BAZ2B: variants seen among roughly 807,000 people sequenced by gnomAD.
BAZ2B encodes bromodomain adjacent to zinc finger domain 2B, also known as bromodomain adjacent to zinc finger domain protein 2B.
A neutral mutation model predicts 246.0 loss-of-function variants in BAZ2B; 91 were observed. The observed-to-expected ratio is 0.37, with a 90% CI of 0.31 to 0.44. BAZ2B has a LOEUF of 0.44. BAZ2B is among the 20% of genes least tolerant of loss of function. The pLI is 1.00. For missense variants in BAZ2B, 2,332 were observed against 2,533.7 expected (o/e 0.92, Z 1.71); for synonymous variants, 855 against 860.0 (o/e 0.99, Z 0.10).
At chr2:159,354,345 TA>T (rs139262780) in intron 27 of BAZ2B, among the ~76,000 whole-genome samples, 40,683 of 150,562 alleles carry the variant, frequency 0.27, 5,730 homozygotes, top group South Asian at 0.42. Flanking sequence ...AACCTCTAAT[TA>T]AAAAAAATAT....
upstream of BAZ2B, among the ~76,000 whole-genome samples, chr2:159,620,731 T>G (rs1559920723): frequency 6.6e-6 from 1 of 151,702 alleles, no homozygotes; most frequent in Non-Finnish European, 1.5e-5. Flanking sequence ...ATATTCAGTA[T>G]GGGGAAGGAC....
At position 159,397,378 on chromosome 2, in the gene BAZ2B, C is replaced by A. The variant is rs572458606; in HGVS notation, c.2976G>T (p.Met992Ile). The change falls in exon 19 of 37, where the codon ATG (methionine) becomes ATT (isoleucine). Residue 992 changes from methionine to isoleucine, a missense_variant. Around this residue, in one of 9 missense-constraint regions of BAZ2B, gnomAD observed 328 missense variants for 410.4 expected, o/e 0.80. Transcript: ENST00000392783. The stretch of plus-strand genomic sequence containing the variant: ...TCAGAAGAACAGCTTGTTGTCTTCT[C>A]ATTTCTTTTTCCTTAAAAATAAGAA... ...EAEKRIKEKE[M>I]RRQQAVLLKH... 570 of 1,548,954 alleles carry A rather than the reference C, an allele frequency of 3.7e-4. 3 individuals carry two copies. The South Asian group carries it at 6.0e-3, about 16-fold the overall frequency.
intron 2 of BAZ2B, 179 bp downstream of exon 2, chr2:159,555,644 A>G (rs756646916): frequency 1.4e-5 from 2 of 141,514 alleles, no homozygotes; most frequent in South Asian, 2.3e-4. Flanking sequence ...TTAAAGTAAT[A>G]TTTTAAAAGT....
chr2:159,420,552 A>G (rs2068567810), intron 13 of BAZ2B, among the ~76,000 whole-genome samples: 2 of 152,198 alleles, frequency 1.3e-5, no homozygotes, highest in African/African-American at 4.8e-5. Flanking sequence ...TGAAAGAAAT[A>G]AACTTAAGGT....
intron 2 of BAZ2B, among the ~76,000 whole-genome samples, chr2:159,509,391 G>C (rs371846715): frequency 1.3e-5 from 2 of 152,120 alleles, no homozygotes; most frequent in East Asian, 1.9e-4. Context: ...TACAAAACTG[G>C]GGTTACATAC....
the BAZ2B span, chr2:159,694,813 T>C: frequency 6.6e-6 from 1 of 152,224 alleles, no homozygotes; most frequent in East Asian, 1.9e-4. Flanking sequence ...GTGACATGTG[T>C]TTTCAGTCCT....
At chr2:159,468,511 T>C (rs2077367883) in intron 3 of BAZ2B, among the ~76,000 whole-genome samples, 1 of 152,128 alleles carries the variant, frequency 6.6e-6, no homozygotes, top group Non-Finnish European at 1.5e-5. Context: ...CTAACCACAG[T>C]AAAACTAAAA....
intron 27 of BAZ2B, among the ~76,000 whole-genome samples, chr2:159,366,946 G>A (rs1322142144): frequency 6.6e-6 from 1 of 152,092 alleles, no homozygotes; most frequent in Non-Finnish European, 1.5e-5. Flanking sequence ...TAAACCCTCA[G>A]TCTTAGCTAA....
At chr2:159,644,295 G>A in the BAZ2B span, among the ~76,000 whole-genome samples, 1 of 152,204 alleles carries the variant, frequency 6.6e-6, no homozygotes, top group Non-Finnish European at 1.5e-5. Flanking sequence ...AGAATATGAT[G>A]GCAGGTCCCT....
the BAZ2B span, among the ~76,000 whole-genome samples, chr2:159,666,257 C>CTT: frequency 1.4e-4 from 13 of 94,198 alleles, no homozygotes; most frequent in African/African-American, 1.7e-4. Context: ...TTTTATGATT[C>CTT]TTTTTTTTTT....
At chr2:159,562,139 TTC>T (rs1205564374) in intron 1 of BAZ2B, among the ~76,000 whole-genome samples, 1 of 152,184 alleles carries the variant, frequency 6.6e-6, no homozygotes, top group Non-Finnish European at 1.5e-5. Context: ...AAAATTGGCA[TTC>T]TATCAAAATG....
At chr2:159,582,273 C>G (rs1687008626) in intron 1 of BAZ2B, among the ~76,000 whole-genome samples, 1 of 152,160 alleles carries the variant, frequency 6.6e-6, no homozygotes, top group Admixed American at 6.5e-5. Context: ...TAAAGTAGTT[C>G]TGGAAACTGC....
At chr2:159,476,320 G>T (rs1353743988) in intron 3 of BAZ2B, among the ~76,000 whole-genome samples, 4 of 152,060 alleles carry the variant, frequency 2.6e-5, no homozygotes, top group African/African-American at 9.7e-5. Flanking sequence ...CTAAAAATAT[G>T]TGTTAATAAA....
chr2:159,517,367 G>A (rs1453170235), intron 2 of BAZ2B, among the ~76,000 whole-genome samples: 8 of 151,288 alleles, frequency 5.3e-5, no homozygotes, highest in African/African-American at 1.9e-4. Context: ...AGTTTGATGA[G>A]GGAAGATTTA....
chr2:159,322,330 C>A (rs1411027491), intron 36 of BAZ2B, among the ~76,000 whole-genome samples: 1 of 152,152 alleles, frequency 6.6e-6, no homozygotes, highest in Non-Finnish European at 1.5e-5. Flanking sequence ...ATTTAAGTCA[C>A]AACACTGTAT....
intron 2 of BAZ2B, among the ~76,000 whole-genome samples, chr2:159,548,838 T>G (rs958857077): frequency 1.3e-5 from 2 of 152,070 alleles, no homozygotes; most frequent in Non-Finnish European, 2.9e-5. Context: ...CCCACTAAAA[T>G]TTAATGGAAA....
At chr2:159,545,002 T>C (rs1338008061) in intron 2 of BAZ2B, among the ~76,000 whole-genome samples, 1 of 152,208 alleles carries the variant, frequency 6.6e-6, no homozygotes, top group Non-Finnish European at 1.5e-5. Flanking sequence ...GTGGCAACAT[T>C]ATACAAAAAG....
chr2:159,344,775 A>C (rs1047302934), intron 31 of BAZ2B, among the ~76,000 whole-genome samples: 3 of 152,162 alleles, frequency 2.0e-5, no homozygotes, highest in Non-Finnish European at 4.4e-5. Flanking sequence ...CCAGGCACAC[A>C]AAGTTAAACA....
chr2:159,590,075 A>T (rs11902489), intron 1 of BAZ2B, among the ~76,000 whole-genome samples: 83,185 of 150,576 alleles, frequency 0.55, 23,716 homozygotes, highest in East Asian at 0.74. Context: ...TAATCCCAGC[A>T]ACTTGGGAGG....
Sources: gnomAD v4.1 joint callset for allele counts (sites outside exome capture counted in the v4.1 genomes callset) on GRCh38, gnomAD v4.1.1 for gene constraint, gnomAD v4.1.1 regional missense constraint, MANE v1.5 for transcripts, NCBI Gene and HGNC (gene_info 2026-07-23, HGNC 2026-07-21) for gene names.